SYT16: variants seen among roughly 807,000 people sequenced by gnomAD.
The protein encoded by SYT16 is synaptotagmin 16.
SYT16 carries 42 observed loss-of-function variants against 61.4 expected under a neutral mutation model. The ratio of observed to expected loss-of-function variants is 0.68; its 90% CI spans 0.53 to 0.89. The LOEUF is 0.89. SYT16 is among the 40% of genes least tolerant of loss of function. SYT16 has a pLI of 0.00. For synonymous variants in SYT16, 314 were observed against 302.3 expected (o/e 1.04, Z -0.40); for missense variants, 804 against 807.3 (o/e 1.00, Z 0.05).
Position 62,100,605 on chromosome 14 carries a change from G to A in SYT16, c.1836G>A (p.Leu612=). ...KRKEMIGWIA[L]GQNSSGEEEQ... The stretch of plus-strand genomic sequence containing the variant: ...AAGAGATGATTGGCTGGATTGCCCT[G>A]GGCCAGAACAGCAGTGGAGAGGAGG... The change falls in exon 8 of 8, where the codon CTG becomes CTA. Residue 612 remains leucine (L), a synonymous_variant. Coordinates refer to ENST00000683842, the MANE Select transcript of SYT16 (RefSeq NM_001367656.1). 1 of 1,613,802 alleles carries A rather than the reference G, an allele frequency of 6.2e-7. No individual in the cohort carries two copies. The highest frequency in any genetic ancestry group is 1.1e-5 in the South Asian group (1 of 91,062).
At chr14:61,899,018 T>A (rs1327803775) in intron 1 of SYT16, among the ~76,000 whole-genome samples, 1 of 152,264 alleles carries the variant, frequency 6.6e-6, no homozygotes, top group Non-Finnish European at 1.5e-5. Context: ...TCTTGTACAC[T>A]GGAATTTATG....
chr14:61,958,047 A>G (rs2050954220), intron 1 of SYT16, among the ~76,000 whole-genome samples: 1 of 151,626 alleles, frequency 6.6e-6, no homozygotes, highest in South Asian at 2.1e-4. Context: ...GAACTTCTCC[A>G]TTTCTTCTAA....
chr14:61,853,452 G>C (rs969927002), intron 1 of SYT16, among the ~76,000 whole-genome samples: 1 of 152,216 alleles, frequency 6.6e-6, no homozygotes, highest in South Asian at 2.1e-4. Context: ...GCATTAGGAA[G>C]AGGTGATAAG....
At chr14:61,933,489 G>C (rs916938040) in intron 1 of SYT16, among the ~76,000 whole-genome samples, 1 of 152,188 alleles carries the variant, frequency 6.6e-6, no homozygotes, top group Admixed American at 6.5e-5. Flanking sequence ...AAAAGTCCAA[G>C]GGTGAAGAGC....
At chr14:61,852,556 A>G (rs182377791) in intron 1 of SYT16, among the ~76,000 whole-genome samples, 69 of 152,260 alleles carry the variant, frequency 4.5e-4, no homozygotes, top group African/African-American at 1.6e-3. Flanking sequence ...AAGAGCATGG[A>G]ATGTTTCTCT....
chr14:62,075,618 AAG>A (rs1375059711), intron 5 of SYT16, among the ~76,000 whole-genome samples: 10,567 of 134,310 alleles, frequency 0.079, 317 homozygotes, highest in East Asian at 0.15. Context: ...AAAAAAAAAA[AAG>A]AAAAAAAGAA....
intron 1 of SYT16, among the ~76,000 whole-genome samples, chr14:61,935,175 C>A (rs1263103127): frequency 6.6e-6 from 1 of 152,078 alleles, no homozygotes; most frequent in Non-Finnish European, 1.5e-5. Context: ...TTGGGTGGGG[C>A]TGTCAATCAG....
intron 1 of SYT16, among the ~76,000 whole-genome samples, chr14:61,955,554 C>T (rs572156121): frequency 6.6e-6 from 1 of 152,016 alleles, no homozygotes; most frequent in Middle Eastern, 3.4e-3. Flanking sequence ...TTATCTTTCT[C>T]TGTGTGTCTT....
intron 7 of SYT16, among the ~76,000 whole-genome samples, chr14:62,099,875 GTGTCTGTC>G (rs955811742): frequency 2.2e-5 from 1 of 46,510 alleles, no homozygotes; most frequent in African/African-American, 8.4e-5. Flanking sequence ...AAGACCTTGT[GTGTCTGTC>G]TGTCTGTCTG....
chr14:61,954,341 A>T, intron 1 of SYT16, among the ~76,000 whole-genome samples: 1 of 145,040 alleles, frequency 6.9e-6, no homozygotes. Context: ...TTCACCAACC[A>T]TGGAATGAAA....
rs781263032 is a variant in SYT16 at position 61,996,524 on chromosome 14, G to T, written c.505G>T (p.Val169Phe). 6.3e-7 allele frequency: 1 copy of T among 1,597,380 alleles called. No individual in the cohort carries two copies. Among genetic ancestry groups the T allele is most frequent in the African/African-American group, 1.3e-5 (1 of 74,298 alleles). ...DSQLPGTLETVNGKKQVNSFG... is the reference protein window; with the variant it reads ...DSQLPGTLETFNGKKQVNSFG... Reference sequence around the variant, plus strand: ...CCAGCTCCCTGGTACTTTAGAAACTGTTAATGGAAAAAAGCAAGGTAAGCT... The same window carrying T: ...CCAGCTCCCTGGTACTTTAGAAACTTTTAATGGAAAAAAGCAAGGTAAGCT... Residue 169 changes from valine (V) to phenylalanine (F), a missense_variant, in exon 3 of 8, where the codon GTT (valine) becomes TTT (phenylalanine). Transcript: ENST00000683842.
chr14:61,881,345 A>G (rs2047690931), intron 1 of SYT16, among the ~76,000 whole-genome samples: 1 of 152,094 alleles, frequency 6.6e-6, no homozygotes, highest in South Asian at 2.1e-4. Context: ...TCCTATAGTC[A>G]TGGTCTCTAC....
rs2057559857 is a variant in SYT16 at position 62,109,067 on chromosome 14, C to T, written c.*8360C>T. On this transcript the variant is annotated 3_prime_UTR_variant, in exon 8 of 8. Coordinates refer to ENST00000683842, the MANE Select transcript of SYT16 (RefSeq NM_001367656.1). ...AGTGCATAGTTCATATTAAGGTTCA[C>T]TCTTGGTGTTGTGTATTTTATGGGT... The T allele has an allele frequency of 6.6e-6, 1 of 152,150 alleles. No homozygotes were observed. The allele number at this position is 152,150 out of a possible 1,614,324, so 9.4% of individuals were successfully genotyped here. A position where few individuals can be genotyped will look rare whatever the true frequency, so the allele number is the denominator to read the frequency against.
At chr14:61,954,099 C>T (rs1357973773) in intron 1 of SYT16, among the ~76,000 whole-genome samples, 1 of 152,158 alleles carries the variant, frequency 6.6e-6, no homozygotes, top group African/African-American at 2.4e-5. Flanking sequence ...AGGCTTTCCT[C>T]ATGTTTTTAA....
rs763101226 is a variant in SYT16, at chr14:62,080,983, C to T, written c.1143C>T (p.Asp381=). ...IVRAQGLPDK[D]RSGVNSWQVH... ...GGGCACAGGGCCTCCCAGATAAGGA[C>T]CGAAGTGGTGTCAACTCCTGGCAAG... Residue 381 remains aspartate (D), a synonymous_variant, in exon 6 of 8, where the codon GAC becomes GAT. Coordinates refer to ENST00000683842, the MANE Select transcript of SYT16 (RefSeq NM_001367656.1). 1 of 1,613,088 alleles carries T rather than the reference C, an allele frequency of 6.2e-7. No individual in the cohort carries two copies. The highest frequency in any genetic ancestry group is 1.7e-5 in the Admixed American group (1 of 59,876).
At chr14:61,903,982 G>T (rs1462195139) in intron 1 of SYT16, among the ~76,000 whole-genome samples, 1 of 152,220 alleles carries the variant, frequency 6.6e-6, no homozygotes, top group African/African-American at 2.4e-5. Flanking sequence ...GGGAATGCCA[G>T]TAATTCCTGA....
At chr14:61,951,465 G>T (rs1400741880) in intron 1 of SYT16, among the ~76,000 whole-genome samples, 3 of 152,070 alleles carry the variant, frequency 2.0e-5, no homozygotes, top group Admixed American at 2.0e-4. Flanking sequence ...TCACTGTGTG[G>T]GCAGTCTTCT....
At chr14:62,091,906 C>T (rs7161593) in intron 7 of SYT16, among the ~76,000 whole-genome samples, 33,683 of 151,756 alleles carry the variant, frequency 0.22, 3,836 homozygotes, top group East Asian at 0.32. Flanking sequence ...ATAGAGTAAA[C>T]AGACCACCCA....
intron 1 of SYT16, among the ~76,000 whole-genome samples, chr14:61,917,205 C>T (rs1362947908): frequency 6.6e-6 from 1 of 152,148 alleles, no homozygotes. Flanking sequence ...AAGTGAAGAT[C>T]ACTGTCTTGG....
Sources: allele counts gnomAD v4.1 joint callset (sites outside exome capture counted in the v4.1 genomes callset), GRCh38; gene constraint gnomAD v4.1.1; transcripts MANE v1.5; gene names NCBI Gene and HGNC (gene_info 2026-07-23, HGNC 2026-07-21).